Variants in SPATA6 observed in about 807,000 individuals in gnomAD.
SPATA6 encodes the protein spermatogenesis associated 6, also known as spermatogenesis-associated protein 6.
In SPATA6, 56 loss-of-function variants were observed where a neutral mutation model predicts 65.3. That is an observed-to-expected ratio of 0.86 (90% CI 0.69 to 1.07). SPATA6 has a LOEUF of 1.07. Among genes scored for constraint, SPATA6 ranks in the 50% least tolerant of loss-of-function variants. The probability of loss-of-function intolerance (pLI) is 0.00; values close to 1 mark genes in which losing one functional copy is unlikely to be tolerated. For synonymous variants in SPATA6, 199 were observed against 213.2 expected (o/e 0.93, Z 0.58); for missense variants, 590 against 594.8 (o/e 0.99, Z 0.08).
At position 48,411,563 on chromosome 1, in the gene SPATA6, G is replaced by C; in HGVS notation, c.306C>G (p.Asp102Glu). 6.2e-7 allele frequency: 1 copy of C among 1,608,432 alleles called. No individual in the cohort carries two copies. Among genetic ancestry groups the C allele is most frequent in the Non-Finnish European group, 8.5e-7 (1 of 1,177,452 alleles). Residue 102 changes from aspartate (D) to glutamate (E), a missense_variant, in exon 5 of 13, where the codon GAC becomes GAG. Physicochemically the swap from Asp to Glu is conservative, Grantham distance 45. Transcript: ENST00000371847. ...PPVGETLSTY[D>E]ENTRDFMFPG... is the part of the protein sequence containing the mutation. ...GAAACATGAAATCTCGTGTATTTTC[G>C]TCATACGTAGACAGTGTTTCACCCA...
chr1:48,441,463 CTTATTAAGGAGGGACATATTAGCCA>C (rs1655468492), intron 3 of SPATA6, among the ~76,000 whole-genome samples: 3 of 137,234 alleles, frequency 2.2e-5, no homozygotes, highest in Admixed American at 1.5e-4. Context: ...GTCCCATACC[CTTATTAAGGAGGGACATATTAGCCA>C]AAGCTGGAGC....
At chr1:48,357,756 C>G (rs1231357102) in intron 10 of SPATA6, among the ~76,000 whole-genome samples, 1 of 151,734 alleles carries the variant, frequency 6.6e-6, no homozygotes, top group Non-Finnish European at 1.5e-5. Flanking sequence ...TTTTTTGTTC[C>G]CAGTAGTACG....
intron 1 of SPATA6, among the ~76,000 whole-genome samples, chr1:48,459,078 A>G (rs1170590361): frequency 6.6e-6 from 1 of 151,574 alleles, no homozygotes; most frequent in Non-Finnish European, 1.5e-5. Flanking sequence ...GGTGGCAGGC[A>G]CCTGTAATCC....
Position 48,437,363 on chromosome 1 carries a change from C to T in SPATA6, c.238+14189G>A, listed in dbSNP as rs1191882171. The T allele has an allele frequency of 1.3e-5, 19 of 1,485,456 alleles. No individual in the cohort carries two copies. In the Admixed American group the frequency reaches 1.4e-4, roughly 11 times the overall value. 92.0% of individuals were successfully genotyped at this position (1,485,456 alleles called of 1,614,324 possible). A position where few individuals can be genotyped will look rare whatever the true frequency, so the allele number is the denominator to read the frequency against. On this transcript the variant is annotated intron_variant, in intron 3 of 12. Coordinates refer to ENST00000371847, the MANE Select transcript of SPATA6 (RefSeq NM_019073.4). ...GGAGAATCTATTATTTAAAACCACT[C>T]TGTTCAAAGGGGCACCAGTTTGTAG...
chr1:48,314,644 G>C (rs1184756021), intron 11 of SPATA6, among the ~76,000 whole-genome samples: 1 of 152,078 alleles, frequency 6.6e-6, no homozygotes, highest in Non-Finnish European at 1.5e-5. Context: ...ACAGAAGCAA[G>C]AGCAAACACA....
In SPATA6 at chr1:48,428,999, A is replaced by G. The variant is rs545881505; in HGVS notation, c.239-15848T>C. Among the ~76,000 whole-genome samples the G allele has an allele frequency of 2.0e-5, 3 of 152,068 alleles. No homozygotes were observed. The East Asian group carries it at 5.8e-4, about 29-fold the overall frequency. On this transcript the variant is annotated intron_variant, in intron 3 of 12. Transcript: ENST00000371847. ...CAACTTCCAGGGGAAGGCTTCAACT[A>G]TAAACCGTGATCAATTTCAGTCAAT... is the stretch of plus-strand genomic sequence containing the variant.
chr1:48,328,388 A>T (rs1645824757), intron 11 of SPATA6, among the ~76,000 whole-genome samples: 1 of 152,182 alleles, frequency 6.6e-6, no homozygotes, highest in African/African-American at 2.4e-5. Context: ...TGGATAAAAA[A>T]AAGTGTCATT....
At chr1:48,373,726 T>A (rs1647566030) in intron 9 of SPATA6, among the ~76,000 whole-genome samples, 1 of 152,224 alleles carries the variant, frequency 6.6e-6, no homozygotes, top group East Asian at 1.9e-4. Context: ...CAAAAGGCAC[T>A]TCTTACATGG....
chr1:48,420,211 G>A (rs999431628), intron 3 of SPATA6, among the ~76,000 whole-genome samples: 3 of 152,154 alleles, frequency 2.0e-5, no homozygotes, highest in African/African-American at 7.2e-5. Context: ...TTCCTGGAGG[G>A]TGGCTCATCC....
At chr1:48,279,567 G>C in the SPATA6 span, among the ~76,000 whole-genome samples, 1 of 151,862 alleles carries the variant, frequency 6.6e-6, no homozygotes, top group African/African-American at 2.4e-5. Flanking sequence ...AATCAACAAA[G>C]ATAAAAAGAG....
intron 2 of SPATA6, among the ~76,000 whole-genome samples, chr1:48,452,258 G>C (rs1013859719): frequency 2.0e-5 from 3 of 151,638 alleles, no homozygotes; most frequent in Non-Finnish European, 2.9e-5. Context: ...AAGGCGAGAA[G>C]GAAGGAAAGA....
the SPATA6 span, among the ~76,000 whole-genome samples, chr1:48,280,114 A>G: frequency 6.6e-6 from 1 of 152,240 alleles, no homozygotes; most frequent in Non-Finnish European, 1.5e-5. Flanking sequence ...GGCAGAAATA[A>G]AGATGTTCTT....
intron 3 of SPATA6, among the ~76,000 whole-genome samples, chr1:48,444,168 G>A (rs540988632): frequency 1.3e-5 from 2 of 152,328 alleles, no homozygotes; most frequent in East Asian, 3.9e-4. Context: ...CTAAAGGATT[G>A]TAAATGCACC....
At chr1:48,311,537 A>T (rs1406402690) in intron 11 of SPATA6, among the ~76,000 whole-genome samples, 1 of 152,168 alleles carries the variant, frequency 6.6e-6, no homozygotes, top group Non-Finnish European at 1.5e-5. Context: ...CACCTATAAT[A>T]AAGAAAGAGA....
At chr1:48,311,056 C>T (rs1645195005) in intron 11 of SPATA6, among the ~76,000 whole-genome samples, 1 of 151,940 alleles carries the variant, frequency 6.6e-6, no homozygotes, top group Non-Finnish European at 1.5e-5. Flanking sequence ...ACATATAAAA[C>T]TTAATAATGA....
Position 48,455,570 on chromosome 1 carries a change from C to T in SPATA6, c.52-2439G>A, listed in dbSNP as rs189577141. 6.0e-4 allele frequency among the ~76,000 whole-genome samples: 91 copies of T among 152,060 alleles called. 2 individuals are homozygous for T. In the South Asian group the frequency reaches 0.017, roughly 28 times the overall value. Reference sequence around the variant, plus strand: ...TAATTTTTTGTATTTTTAATGGAGACGGGGTTTCACCGTGTTAGCCAGGAC... The same window carrying T: ...TAATTTTTTGTATTTTTAATGGAGATGGGGTTTCACCGTGTTAGCCAGGAC... On this transcript the variant is annotated intron_variant, in intron 1 of 12. Coordinates refer to ENST00000371847, the MANE Select transcript of SPATA6 (RefSeq NM_019073.4).
At chr1:48,440,661 G>A (rs578259586) in intron 3 of SPATA6, among the ~76,000 whole-genome samples, 3 of 152,120 alleles carry the variant, frequency 2.0e-5, no homozygotes, top group Non-Finnish European at 4.4e-5. Context: ...TCAGGGAAAG[G>A]AAGAAAATCC....
chr1:48,289,902 A>T, the SPATA6 span, among the ~76,000 whole-genome samples: 3 of 152,230 alleles, frequency 2.0e-5, no homozygotes, highest in South Asian at 6.2e-4. Flanking sequence ...GACAGGGAGA[A>T]TGGAACCAAG....
intron 11 of SPATA6, among the ~76,000 whole-genome samples, chr1:48,316,310 G>C (rs1476014534): frequency 6.6e-6 from 1 of 152,142 alleles, no homozygotes; most frequent in Non-Finnish European, 1.5e-5. Context: ...AACCAAAACA[G>C]CATGGTACTG....
Sources: allele counts gnomAD v4.1 joint callset (sites outside exome capture counted in the v4.1 genomes callset), GRCh38; gene constraint gnomAD v4.1.1; transcripts MANE v1.5; gene names NCBI Gene and HGNC (gene_info 2026-07-23, HGNC 2026-07-21).